Variants in TNC observed in about 807,000 individuals in gnomAD.
TNC encodes the protein tenascin C.
Under a neutral mutation model 202.4 loss-of-function variants are expected in TNC, and 109 were observed. That is an observed-to-expected ratio of 0.54 (90% confidence interval 0.46 to 0.63). The LOEUF is 0.63. TNC is among the 30% of genes least tolerant of loss of function. The pLI is 0.00. For synonymous variants in TNC, 1,007 were observed against 1,089.7 expected (o/e 0.92, Z 1.50); for missense variants, 2,756 against 2,833.3 (o/e 0.97, Z 0.62).
chr9:115,078,780 C>A (rs1417832736), intron 6 of TNC, among the ~76,000 whole-genome samples: 1 of 152,128 alleles, frequency 6.6e-6, no homozygotes, highest in Non-Finnish European at 1.5e-5. Flanking sequence ...TTTGCAGGCT[C>A]ATCTTGACTT....
Position 115,064,733 on chromosome 9 carries a change from A to G in TNC, c.3401T>C (p.Leu1134Pro). The G allele has an allele frequency of 6.2e-7, 1 of 1,614,232 alleles. No individual in the cohort carries two copies. Among genetic ancestry groups the G allele is most frequent in the Non-Finnish European group, 8.5e-7 (1 of 1,180,032 alleles). The change falls in exon 11 of 28, where the codon CTC becomes CCC. Residue 1134 changes from leucine (L) to proline (P), a missense_variant. Coordinates refer to ENST00000350763, the MANE Select transcript of TNC (RefSeq NM_002160.4). ...GACTGTATAAGGCGTAGCAGCCTTG[A>G]GGCCCGGTATGTCCACAGCCCGAAG... The part of the protein sequence containing the change: ...GSLRAVDIPG[L>P]KAATPYTVSI...
chr9:115,065,017 C>A, intron 10 of TNC, 98 bp from the exon 11 acceptor site: 1 of 1,390,572 alleles, frequency 7.2e-7, no homozygotes, highest in East Asian at 2.3e-5. Flanking sequence ...ATCTATAGGC[C>A]ATTGCAGTCC....
chr9:115,021,283 A>AGAG lies in TNC; in HGVS notation c.6496-17_6496-16insCTC, dbSNP rs774213461. 9.8e-5 allele frequency: 108 copies of AGAG among 1,102,194 alleles called. No individual in the cohort carries two copies. The East Asian group carries it at 2.2e-3, about 23-fold the overall frequency. 68.3% of individuals were successfully genotyped at this position (1,102,194 alleles called of 1,614,324 possible). A position where few individuals can be genotyped will look rare whatever the true frequency, so the allele number is the denominator to read the frequency against. On this transcript the variant is annotated splice_polypyrimidine_tract_variant and intron_variant, in intron 27 of 27. Transcript: ENST00000350763. ...AGTTAACGCCCTGTTAAAAAAAAAAAAGAGAGAGAGAGAGAGAGAGAGAAG... is the reference window on the plus strand; with the variant it reads ...AGTTAACGCCCTGTTAAAAAAAAAAAGAGAGAGAGAGAGAGAGAGAGAGAGAAG...
At chr9:115,026,742 C>T in intron 25 of TNC, 47 bp from the exon 26 acceptor site, 1 of 1,597,534 alleles carries the variant, frequency 6.3e-7, no homozygotes, top group East Asian at 2.3e-5. Context: ...GTGACTGAGG[C>T]CCTCATTTCT....
chr9:115,088,214 C>T (rs1834946728), intron 2 of TNC, among the ~76,000 whole-genome samples: 1 of 152,068 alleles, frequency 6.6e-6, no homozygotes, highest in Non-Finnish European at 1.5e-5. Context: ...TTAAGTAAAC[C>T]CCTTAAGAGC....
chr9:115,045,761 G>A (rs1831139580), intron 17 of TNC, among the ~76,000 whole-genome samples: 1 of 151,544 alleles, frequency 6.6e-6, no homozygotes, highest in African/African-American at 2.4e-5. Context: ...AAACTCCAAG[G>A]ACACTCTAGG....
chr9:115,046,369 G>A (rs758827745), intron 17 of TNC, 41 bp downstream of exon 17: 5 of 1,605,172 alleles, frequency 3.1e-6, no homozygotes, highest in Non-Finnish European at 3.4e-6. Flanking sequence ...AGACCCCTGA[G>A]TCATGACTTT....
chr9:115,061,606 G>A (rs1369484367), intron 13 of TNC, among the ~76,000 whole-genome samples: 1 of 152,142 alleles, frequency 6.6e-6, no homozygotes, highest in African/African-American at 2.4e-5. Context: ...GTAGTTTCTA[G>A]CAACCACCAA....
intron 1 of TNC, among the ~76,000 whole-genome samples, chr9:115,094,935 A>C (rs1835523425): frequency 6.6e-6 from 1 of 151,926 alleles, no homozygotes; most frequent in African/African-American, 2.4e-5. Context: ...ATTTCAGCAC[A>C]ACAGGAGAAA....
intron 27 of TNC, among the ~76,000 whole-genome samples, chr9:115,023,439 G>A (rs1380001127): frequency 1.3e-5 from 2 of 152,216 alleles, no homozygotes; most frequent in African/African-American, 4.8e-5. Context: ...AAGTGCTAGA[G>A]GTGTGTGTGG....
At position 115,046,443 on chromosome 9, in the gene TNC, G is replaced by A. The variant is rs1831199880; in HGVS notation, c.5092C>T (p.Arg1698Ter). 6.2e-7 allele frequency: 1 copy of A among 1,614,088 alleles called. No homozygotes were observed. Among genetic ancestry groups the A allele is most frequent in the Non-Finnish European group, 8.5e-7 (1 of 1,179,974 alleles). Residue 1698 changes from arginine to a stop codon, truncating the protein, a stop_gained, in exon 17 of 28, where the codon CGA (arginine) becomes TGA (stop). Coordinates refer to ENST00000350763, the MANE Select transcript of TNC (RefSeq NM_002160.4). LOFTEE classifies it high-confidence loss of function. The part of the protein sequence containing the change: ...IELYGISKGR[R>*]SQTVSAIATT... Reference sequence around the variant, plus strand: ...GCTATAGCACTGACTGTCTGGGATCGCCTTCCTTTGCTTATTCCATAGAGT... The same window carrying A: ...GCTATAGCACTGACTGTCTGGGATCACCTTCCTTTGCTTATTCCATAGAGT...
intron 15 of TNC, among the ~76,000 whole-genome samples, chr9:115,049,148 G>A (rs1269640829): frequency 6.6e-6 from 1 of 152,036 alleles, no homozygotes; most frequent in Non-Finnish European, 1.5e-5. Flanking sequence ...ATCTTTTGCT[G>A]TTTATTTTCC....
intron 10 of TNC, among the ~76,000 whole-genome samples, chr9:115,065,978 T>C (rs560300223): frequency 3.4e-4 from 52 of 151,914 alleles, no homozygotes; most frequent in Non-Finnish European, 5.9e-4. Flanking sequence ...GTTGTATAGT[T>C]TATATTGGGA....
chr9:115,072,945 A>G (rs1172575993), intron 10 of TNC, among the ~76,000 whole-genome samples: 1 of 152,200 alleles, frequency 6.6e-6, no homozygotes, highest in African/African-American at 2.4e-5. Flanking sequence ...CCATGGCCTC[A>G]GGTTCAGTGA....
chr9:115,076,384 G>A lies in TNC; in HGVS notation c.2860+6C>T, dbSNP rs376824484. Reference sequence around the variant, plus strand: ...TGGCTCAGGCTTGCAGAGATGCAGAGCTCACCTGTGAGTGTGGTTTTGGTT... The same window carrying A: ...TGGCTCAGGCTTGCAGAGATGCAGAACTCACCTGTGAGTGTGGTTTTGGTT... On this transcript the variant is annotated splice_donor_region_variant and intron_variant, in intron 8 of 27. Coordinates refer to ENST00000350763, the MANE Select transcript of TNC (RefSeq NM_002160.4). 2 of 1,613,730 alleles carry A rather than the reference G, an allele frequency of 1.2e-6. No individual in the cohort carries two copies. Among genetic ancestry groups the A allele is most frequent in the Admixed American group, 1.7e-5 (1 of 60,000 alleles).
chr9:115,080,028 A>G (rs2480930), intron 6 of TNC, among the ~76,000 whole-genome samples: 89,674 of 151,956 alleles, frequency 0.59, 27,094 homozygotes, highest in African/African-American at 0.71. Flanking sequence ...TAGGAGGCCG[A>G]GGCGGGTGGA....
chr9:115,026,060 A>G (rs1829453318), intron 26 of TNC, among the ~76,000 whole-genome samples: 1 of 152,208 alleles, frequency 6.6e-6, no homozygotes, highest in South Asian at 2.1e-4. Flanking sequence ...AACACCAGCT[A>G]TATTGGCATC....
At position 115,073,875 on chromosome 9, in the gene TNC, A is replaced by G. The variant is rs779673228; in HGVS notation, c.2951-9T>C. ...CTTGGGCGTGTCCAACTCTGGGAGG[A>G]GAACAGAGAGATGAATGCTCTTCAG... On this transcript the variant is annotated splice_polypyrimidine_tract_variant and intron_variant, in intron 9 of 27. Transcript: ENST00000350763. The G allele has an allele frequency of 1.4e-5, 22 of 1,605,170 alleles. No homozygotes were observed. In the Admixed American group the frequency reaches 3.7e-4, roughly 27 times the overall value.
At chr9:115,071,659 C>G (rs889918046) in intron 10 of TNC, among the ~76,000 whole-genome samples, 1 of 151,754 alleles carries the variant, frequency 6.6e-6, no homozygotes, top group Non-Finnish European at 1.5e-5. Context: ...TTAGATACAG[C>G]ATTTATCAAA....
Sources: allele counts gnomAD v4.1 joint callset (sites outside exome capture counted in the v4.1 genomes callset), GRCh38; gene constraint gnomAD v4.1.1; transcripts MANE v1.5; gene names NCBI Gene and HGNC (gene_info 2026-07-23, HGNC 2026-07-21).